FLG2: variants seen among roughly 807,000 people sequenced by gnomAD.
The protein encoded by FLG2 is filaggrin 2.
Under a neutral mutation model 3.9 loss-of-function variants are expected in FLG2, and 7 were observed. The observed-to-expected ratio is 1.79, with a 90% confidence interval of 1.02 to 3.36. FLG2 has a LOEUF of 3.36. Ranked by LOEUF, FLG2 falls within the 30% of genes most tolerant of loss-of-function variation. The pLI, the probability that FLG2 is intolerant of heterozygous loss-of-function variation, is 0.00. For missense variants in FLG2, 2,700 were observed against 2,809.4 expected (o/e 0.96, Z 0.88); for synonymous variants, 1,031 against 1,056.1 (o/e 0.98, Z 0.46).
Position 152,352,500 on chromosome 1 carries a change from T to C in FLG2, c.5286A>G (p.Ile1762Met), listed in dbSNP as rs1355942141. ...ARSQHGESES[I>M]VHERHGTIHG... ...GTATAGTTCCATGTCTCTCATGAACTATGGATTCTGACTCTCCATGTTGAG... is the reference window on the plus strand; with the variant it reads ...GTATAGTTCCATGTCTCTCATGAACCATGGATTCTGACTCTCCATGTTGAG... The change falls in exon 3 of 3, where the codon ATA becomes ATG. Residue 1762 changes from isoleucine (I) to methionine (M), a missense_variant. Transcript: ENST00000388718. The C allele has an allele frequency of 6.2e-7, 1 of 1,613,736 alleles. No homozygotes were observed. The highest frequency in any genetic ancestry group is 1.7e-5 in the Admixed American group (1 of 60,002).
Position 152,356,298 on chromosome 1 carries a change from C to A in FLG2, c.1488G>T (p.Gly496=). Residue 496 remains glycine, a synonymous_variant, in exon 3 of 3, where the codon GGG becomes GGT. Coordinates refer to ENST00000388718, the MANE Select transcript of FLG2 (RefSeq NM_001014342.3). ...SGQSSGFGQC[G]SGSGQSSGFG... ...AGCCAGAGGACTGACCTGAGCCTGA[C>A]CCACATTGTCCAAAGCCAGAGGACT... The A allele has an allele frequency of 6.2e-7, 1 of 1,613,454 alleles. No homozygotes were observed. Among genetic ancestry groups the A allele is most frequent in the Non-Finnish European group, 8.5e-7 (1 of 1,179,828 alleles).
Position 152,354,813 on chromosome 1 carries a change from C to T in FLG2, c.2973G>A (p.Glu991=), listed in dbSNP as rs767983733. Residue 991 remains glutamate (E), a synonymous_variant, in exon 3 of 3, where the codon GAG becomes GAA. Coordinates refer to ENST00000388718, the MANE Select transcript of FLG2 (RefSeq NM_001014342.3). The part of the protein sequence containing the change: ...SGKSSGFGQH[E]SRSSQSNYGQ... Reference sequence around the variant, plus strand: ...CATAATTAGACTGACTTGATCTAGACTCATGCTGTCCAAAGCCAGAGGATT... The same window carrying T: ...CATAATTAGACTGACTTGATCTAGATTCATGCTGTCCAAAGCCAGAGGATT... 5.6e-6 allele frequency: 9 copies of T among 1,613,388 alleles called. No homozygotes were observed. Among genetic ancestry groups the T allele is most frequent in the Non-Finnish European group, 6.8e-6 (8 of 1,179,906 alleles).
chr1:152,352,085 G>A lies in FLG2; in HGVS notation c.5701C>T (p.His1901Tyr). The change falls in exon 3 of 3, where the codon CAC (histidine) becomes TAC (tyrosine). Residue 1901 changes from histidine (H) to tyrosine (Y), a missense_variant. Transcript: ENST00000388718. ...GGSHTHSGHT[H>Y]SQARSQHGES... Reference sequence around the variant, plus strand: ...CCATGTTGAGACCTGGCTTGGCTGTGTGTGTGTCCTGAATGTGTATGTGAG... The same window carrying A: ...CCATGTTGAGACCTGGCTTGGCTGTATGTGTGTCCTGAATGTGTATGTGAG... 2 of 1,613,438 alleles carry A rather than the reference G, an allele frequency of 1.2e-6. No homozygotes were observed. Among genetic ancestry groups the A allele is most frequent in the Non-Finnish European group, 1.7e-6 (2 of 1,179,804 alleles).
rs757918583 is a variant in FLG2, at chr1:152,350,423, A to G, written c.*187T>C. On this transcript the variant is annotated 3_prime_UTR_variant, in exon 3 of 3. Coordinates refer to ENST00000388718, the MANE Select transcript of FLG2 (RefSeq NM_001014342.3). ...CCAGGTTGAACATAGGTGTTGTTTGACTGTTTATGAGTTACTATAGAATGT... is the reference window on the plus strand; with the variant it reads ...CCAGGTTGAACATAGGTGTTGTTTGGCTGTTTATGAGTTACTATAGAATGT... 5.7e-5 allele frequency: 41 copies of G among 722,154 alleles called. No individual in the cohort carries two copies. The highest frequency in any genetic ancestry group is 8.2e-5 in the Non-Finnish European group (37 of 453,298). The allele number at this position is 722,154 out of a possible 1,614,324, so 44.7% of individuals were successfully genotyped here.
In FLG2 at chr1:152,357,467, G is replaced by A. The variant is rs764454958; in HGVS notation, c.319C>T (p.Arg107Ter). The stretch of plus-strand genomic sequence containing the variant: ...GTTTCACTTTCTTCTTCTTGGTGTC[G>A]GTGACCACGCCTATGCTTCTTTGAC... Reference protein sequence around the residue: ...SGSKKHRRGHRHQEEESETEE... With the variant: ...SGSKKHRRGH The change falls in exon 3 of 3, where the codon CGA (arginine) becomes TGA (stop). Residue 107 changes from arginine to a stop codon, truncating the protein, a stop_gained. Transcript: ENST00000388718. LOFTEE classifies it low-confidence loss of function (END_TRUNC). 1.1e-5 allele frequency: 18 copies of A among 1,613,782 alleles called. No homozygotes were observed. Among genetic ancestry groups the A allele is most frequent in the African/African-American group, 6.7e-5 (5 of 74,842 alleles).
chr1:152,353,818 C>A lies in FLG2; in HGVS notation c.3968G>T (p.Arg1323Ile). 1 of 1,614,112 alleles carries A rather than the reference C, an allele frequency of 6.2e-7. No homozygotes were observed. Among genetic ancestry groups the A allele is most frequent in the East Asian group, 2.2e-5 (1 of 44,870 alleles). The change falls in exon 3 of 3, where the codon AGA becomes ATA. Residue 1323 changes from arginine to isoleucine, a missense_variant. By Grantham distance (97) the Arg-to-Ile change is moderately conservative. Transcript: ENST00000388718. ...CTGTCCATGACCAGAATGGCCATGT[C>A]TAGTGGTATCTCCTCTCTGTCCATG... is the stretch of plus-strand genomic sequence containing the variant. Reference protein sequence around the residue: ...TTHGQRGDTTRHGHSGHGQST... With the variant: ...TTHGQRGDTTIHGHSGHGQST...
chr1:152,353,170 C>T lies in FLG2; in HGVS notation c.4616G>A (p.Arg1539Lys). The T allele has an allele frequency of 4.3e-6, 7 of 1,613,610 alleles. No individual in the cohort carries two copies. Among genetic ancestry groups the T allele is most frequent in the Non-Finnish European group, 5.9e-6 (7 of 1,179,926 alleles). The part of the protein sequence containing the change: ...HGESESIIHD[R>K]HRITHGQTGD... ...TGTCTGTCCATGAGTAATTCTGTGTCTGTCATGAATTATGGATTCTGACTC... is the reference window on the plus strand; with the variant it reads ...TGTCTGTCCATGAGTAATTCTGTGTTTGTCATGAATTATGGATTCTGACTC... Residue 1539 changes from arginine to lysine, a missense_variant, in exon 3 of 3, where the codon AGA becomes AAA. Arg to Lys is a conservative substitution (Grantham distance 26). Coordinates refer to ENST00000388718, the MANE Select transcript of FLG2 (RefSeq NM_001014342.3).
At position 152,357,467 on chromosome 1, in the gene FLG2, G is replaced by T; in HGVS notation, c.319C>A (p.Arg107=). 1 of 1,613,898 alleles carries T rather than the reference G, an allele frequency of 6.2e-7. No individual in the cohort carries two copies. The highest frequency in any genetic ancestry group is 1.1e-5 in the South Asian group (1 of 91,048). Residue 107 remains arginine, a synonymous_variant, in exon 3 of 3, where the codon CGA becomes AGA. Transcript: ENST00000388718. ...SGSKKHRRGH[R]HQEEESETEE... The stretch of plus-strand genomic sequence containing the variant: ...GTTTCACTTTCTTCTTCTTGGTGTC[G>T]GTGACCACGCCTATGCTTCTTTGAC...
At chr1:152,359,189 T>C (rs1171668147) in intron 1 of FLG2, among the ~76,000 whole-genome samples, 1 of 152,190 alleles carries the variant, frequency 6.6e-6, no homozygotes, top group Non-Finnish European at 1.5e-5. Flanking sequence ...AGTCTCTACA[T>C]AGTATCTCTA....
rs1266327393 is a variant in FLG2 at position 152,351,897 on chromosome 1, C to G, written c.5889G>C (p.Gly1963=). Reference sequence around the variant, plus strand: ...AATGTGTGTGTGAGACCCCTGAGGGCCCTTCACTGTCACTGTACTCACTGT... The same window carrying G: ...AATGTGTGTGTGAGACCCCTGAGGGGCCTTCACTGTCACTGTACTCACTGT... ...SGHSEYSDSE[G]PSGVSHTHSG... The change falls in exon 3 of 3, where the codon GGG becomes GGC. Residue 1963 remains glycine (G), a synonymous_variant. Transcript: ENST00000388718. The G allele has an allele frequency of 6.2e-7, 1 of 1,613,752 alleles. No homozygotes were observed. The highest frequency in any genetic ancestry group is 8.5e-7 in the Non-Finnish European group (1 of 1,179,934).
At position 152,353,618 on chromosome 1, in the gene FLG2, T is replaced by C. The variant is rs748212100; in HGVS notation, c.4168A>G (p.Thr1390Ala). The change falls in exon 3 of 3, where the codon ACT becomes GCT. Residue 1390 changes from threonine (T) to alanine (A), a missense_variant. Physicochemically the swap from Thr to Ala is moderately conservative, Grantham distance 58 (BLOSUM62 0). Transcript: ENST00000388718. ...GCCTCTCCTGTCTGTCCATAAGTAG[T>C]TTCATGTCTCTCATGAACTGTGGAT... ...SESTVHERHE[T>A]TYGQTGEATG... is the part of the protein sequence containing the mutation. 1 of 1,614,116 alleles carries C rather than the reference T, an allele frequency of 6.2e-7. No individual in the cohort carries two copies. The highest frequency in any genetic ancestry group is 8.5e-7 in the Non-Finnish European group (1 of 1,180,030).
intron 2 of FLG2, among the ~76,000 whole-genome samples, chr1:152,357,984 T>C (rs1043327773): frequency 1.3e-5 from 2 of 152,160 alleles, no homozygotes; most frequent in African/African-American, 4.8e-5. Flanking sequence ...ATCTTCCATG[T>C]TGGAATTTAT....
At position 152,355,641 on chromosome 1, in the gene FLG2, C is replaced by T. The variant is rs772625518; in HGVS notation, c.2145G>A (p.Gln715=). ...GYGQHGSSSG[Q]TSGFGQHELS... ...ACTCGTGTTGTCCAAATCCAGATGTCTGTCCTGAACTTGACCCATGTTGAC... is the reference window on the plus strand; with the variant it reads ...ACTCGTGTTGTCCAAATCCAGATGTTTGTCCTGAACTTGACCCATGTTGAC... Residue 715 remains glutamine (Q), a synonymous_variant, in exon 3 of 3, where the codon CAG becomes CAA. Transcript: ENST00000388718. 9 of 1,612,982 alleles carry T rather than the reference C, an allele frequency of 5.6e-6. No homozygotes were observed. Among genetic ancestry groups the T allele is most frequent in the South Asian group, 5.5e-5 (5 of 91,018 alleles).
In FLG2 at chr1:152,355,354, C is replaced by A. The variant is rs781367340; in HGVS notation, c.2432G>T (p.Gly811Val). 14 of 1,613,354 alleles carry A rather than the reference C, an allele frequency of 8.7e-6. No individual in the cohort carries two copies. The South Asian group carries it at 1.5e-4, about 18-fold the overall frequency. The change falls in exon 3 of 3, where the codon GGA becomes GTA. Residue 811 changes from glycine to valine, a missense_variant. Gly to Val is a moderately radical substitution (Grantham distance 109). Coordinates refer to ENST00000388718, the MANE Select transcript of FLG2 (RefSeq NM_001014342.3). ...SSQSTGFGQY[G>V]SGSGQSAGFG... ...GCCAGCGGACTGACCTGAGCCTGATCCATATTGGCCAAAGCCAGTGGATTG... is the reference window on the plus strand; with the variant it reads ...GCCAGCGGACTGACCTGAGCCTGATACATATTGGCCAAAGCCAGTGGATTG...
In FLG2 at chr1:152,351,910, C is replaced by T; in HGVS notation, c.5876G>A (p.Ser1959Asn). The change falls in exon 3 of 3, where the codon AGT (serine) becomes AAT (asparagine). Residue 1959 changes from serine (S) to asparagine (N), a missense_variant. By Grantham distance (46) the Ser-to-Asn change is conservative. Coordinates refer to ENST00000388718, the MANE Select transcript of FLG2 (RefSeq NM_001014342.3). Reference protein sequence around the residue: ...GRRGSGHSEYSDSEGPSGVSH... With the variant: ...GRRGSGHSEYNDSEGPSGVSH... ...GACCCCTGAGGGCCCTTCACTGTCA[C>T]TGTACTCACTGTGGCCAGATCCCCT... The T allele has an allele frequency of 6.2e-7, 1 of 1,613,946 alleles. No homozygotes were observed. The highest frequency in any genetic ancestry group is 8.5e-7 in the Non-Finnish European group (1 of 1,179,970).
rs749629170 is a variant in FLG2, at chr1:152,354,396, T to C, written c.3390A>G (p.Gln1130=). The change falls in exon 3 of 3, where the codon CAA becomes CAG. Residue 1130 remains glutamine, a synonymous_variant. Transcript: ENST00000388718. ...AGGATTTACCTGTGCCTGACCCATG[T>C]TGTCCAAAGCCAGAAGACTGACCTG... ...SGSGQSSGFG[Q]HGSGTGKSSG... is the part of the protein sequence containing the mutation. The C allele has an allele frequency of 2.5e-6, 4 of 1,613,854 alleles. No individual in the cohort carries two copies. The South Asian group carries it at 3.3e-5, about 13-fold the overall frequency.
rs757834431 is a variant in FLG2, at chr1:152,354,095, T to C, written c.3691A>G (p.Thr1231Ala). ...GESQQVESGSTVHGRQETTHG... is the reference protein window; with the variant it reads ...GESQQVESGSAVHGRQETTHG... ...GTAGTTTCCTGTCTCCCATGAACTG[T>C]GGATCCTGACTCTACTTGTTGAGAT... The change falls in exon 3 of 3, where the codon ACA becomes GCA. Residue 1231 changes from threonine (T) to alanine (A), a missense_variant. Coordinates refer to ENST00000388718, the MANE Select transcript of FLG2 (RefSeq NM_001014342.3). 1.2e-6 allele frequency: 2 copies of C among 1,614,264 alleles called. No individual in the cohort carries two copies.
At position 152,356,614 on chromosome 1, in the gene FLG2, C is replaced by T. The variant is rs148709684; in HGVS notation, c.1172G>A (p.Cys391Tyr). ...GQYGSGGSQS[C>Y]SNGQHEYGSC... ...ACCATATTCATGTTGACCATTACTA[C>T]AAGACTGGCTACCTCCAGACCCATA... Residue 391 changes from cysteine to tyrosine, a missense_variant, in exon 3 of 3, where the codon TGT becomes TAT. Transcript: ENST00000388718. 8 of 1,614,010 alleles carry T rather than the reference C, an allele frequency of 5.0e-6. 1 individual carries two copies. In the African/African-American group the frequency reaches 9.3e-5, roughly 19 times the overall value.
At position 152,356,835 on chromosome 1, in the gene FLG2, A is replaced by G; in HGVS notation, c.951T>C (p.Cys317=). The G allele has an allele frequency of 6.2e-7, 1 of 1,614,188 alleles. No homozygotes were observed. Among genetic ancestry groups the G allele is most frequent in the South Asian group, 1.1e-5 (1 of 91,082 alleles). The part of the protein sequence containing the change: ...GNQFSYIQSG[C]QSGIKGGQGH... The stretch of plus-strand genomic sequence containing the variant: ...CTTGTCCTCCCTTAATTCCTGACTG[A>G]CAGCCTGACTGAATATAGCTAAATT... Residue 317 remains cysteine, a synonymous_variant, in exon 3 of 3, where the codon TGT becomes TGC. Transcript: ENST00000388718.
Sources: gnomAD v4.1 joint callset for allele counts (sites outside exome capture counted in the v4.1 genomes callset) on GRCh38, gnomAD v4.1.1 for gene constraint, MANE v1.5 for transcripts, NCBI Gene and HGNC (gene_info 2026-07-23, HGNC 2026-07-21) for gene names.